Variants in UBE2E3 observed in about 807,000 individuals in gnomAD.
UBE2E3 encodes the protein ubiquitin conjugating enzyme E2 E3, also known as ubiquitin-conjugating enzyme E2 E3.
UBE2E3 carries 5 observed loss-of-function variants against 23.6 expected under a neutral mutation model. The ratio of observed to expected loss-of-function variants is 0.21; its 90% CI spans 0.11 to 0.44. The LOEUF is 0.44. Among genes scored for constraint, UBE2E3 ranks in the 20% least tolerant of loss-of-function variants. The pLI is 0.99. For synonymous variants in UBE2E3, 78 were observed against 87.5 expected (o/e 0.89, Z 0.60); for missense variants, 81 against 249.8 (o/e 0.32, Z 4.55).
intron 3 of UBE2E3, among the ~76,000 whole-genome samples, chr2:181,005,430 C>CTCT (rs1685121893): frequency 1.3e-5 from 2 of 152,268 alleles, no homozygotes; most frequent in African/African-American, 4.8e-5. Context: ...ATAGGAATGG[C>CTCT]ATTAATTCCA....
intron 3 of UBE2E3, 28 bp from the exon 4 acceptor site, chr2:181,057,665 A>C: frequency 6.3e-7 from 1 of 1,580,868 alleles, no homozygotes; most frequent in South Asian, 1.1e-5. Context: ...ATATATGTAC[A>C]TACTGATTTT....
intron 3 of UBE2E3, among the ~76,000 whole-genome samples, chr2:181,021,801 G>GT (rs947854724): frequency 5.3e-5 from 8 of 151,622 alleles, no homozygotes; most frequent in Admixed American, 4.6e-4. Context: ...CTTTCTATTT[G>GT]TTTTTATTTT....
chr2:181,003,465 A>T (rs200827066), intron 3 of UBE2E3, among the ~76,000 whole-genome samples: 1 of 90,242 alleles, frequency 1.1e-5, no homozygotes, highest in African/African-American at 3.4e-5. Flanking sequence ...AAGAACTTCC[A>T]GGGGGGATGA....
chr2:181,060,656 T>G lies in UBE2E3; in HGVS notation c.379-9T>G. On this transcript the variant is annotated splice_polypyrimidine_tract_variant and intron_variant, in intron 4 of 5. Transcript: ENST00000410062. Reference sequence around the variant, plus strand: ...ATTTTCCTTCTGTTTTTAATGTGACTGTGCTTAGGTTACTTTCCGCACCAG... The same window carrying G: ...ATTTTCCTTCTGTTTTTAATGTGACGGTGCTTAGGTTACTTTCCGCACCAG... The G allele has an allele frequency of 6.3e-7, 1 of 1,586,244 alleles. No homozygotes were observed.
intron 3 of UBE2E3, among the ~76,000 whole-genome samples, chr2:181,033,887 A>C (rs1344349918): frequency 1.3e-5 from 2 of 152,254 alleles, no homozygotes; most frequent in African/African-American, 4.8e-5. Flanking sequence ...GACACTTCTC[A>C]AAAGAAGACA....
chr2:181,039,640 C>T (rs1686417887), intron 3 of UBE2E3, among the ~76,000 whole-genome samples: 1 of 143,100 alleles, frequency 7.0e-6, no homozygotes, highest in African/African-American at 2.4e-5. Flanking sequence ...CTAATTTTGG[C>T]TATGATAAAA....
At chr2:181,022,732 C>A (rs1470367806) in intron 3 of UBE2E3, among the ~76,000 whole-genome samples, 4 of 149,238 alleles carry the variant, frequency 2.7e-5, no homozygotes, top group African/African-American at 7.4e-5. Context: ...CAAAAAAAAA[C>A]AAAAAACAAA....
At chr2:181,039,419 G>A (rs1014902519) in intron 3 of UBE2E3, among the ~76,000 whole-genome samples, 1 of 151,982 alleles carries the variant, frequency 6.6e-6, no homozygotes, top group African/African-American at 2.4e-5. Flanking sequence ...CTCCTGGAGC[G>A]GCTGGGAGGG....
chr2:181,055,428 A>T (rs966064803), intron 3 of UBE2E3, among the ~76,000 whole-genome samples: 8 of 151,632 alleles, frequency 5.3e-5, no homozygotes, highest in African/African-American at 1.5e-4. Context: ...GCAACTGCTC[A>T]TGTCCCTTCC....
chr2:181,057,571 A>T, intron 3 of UBE2E3, 122 bp from the exon 4 acceptor site: 1 of 764,852 alleles, frequency 1.3e-6, no homozygotes, highest in Non-Finnish European at 2.1e-6. Flanking sequence ...TATTTCTTTT[A>T]TACTTATTTT....
chr2:181,018,756 CATAGT>C (rs1315240592), intron 3 of UBE2E3, among the ~76,000 whole-genome samples: 7 of 152,096 alleles, frequency 4.6e-5, no homozygotes, highest in African/African-American at 1.4e-4. Context: ...AACAAATGAC[CATAGT>C]ATAATAATAA....
chr2:181,004,902 A>G (rs1186324748), intron 3 of UBE2E3, among the ~76,000 whole-genome samples: 2 of 152,228 alleles, frequency 1.3e-5, no homozygotes, highest in Admixed American at 6.5e-5. Flanking sequence ...TCAGACAGAC[A>G]ATGTCTTACG....
At chr2:181,054,567 T>A (rs1686934976) in intron 3 of UBE2E3, among the ~76,000 whole-genome samples, 1 of 151,906 alleles carries the variant, frequency 6.6e-6, no homozygotes, top group Non-Finnish European at 1.5e-5. Context: ...ATTTCACCCA[T>A]TTTATAATCA....
chr2:181,024,171 T>A (rs1049291755), intron 3 of UBE2E3, among the ~76,000 whole-genome samples: 3 of 152,110 alleles, frequency 2.0e-5, no homozygotes, highest in Non-Finnish European at 2.9e-5. Flanking sequence ...CCCCAAAGGA[T>A]TTTTTAGAAA....
At chr2:180,999,694 C>T (rs1684936884) in intron 3 of UBE2E3, among the ~76,000 whole-genome samples, 1 of 151,708 alleles carries the variant, frequency 6.6e-6, no homozygotes, top group African/African-American at 2.4e-5. Flanking sequence ...ACATCAAGGA[C>T]ATCCACATGA....
intron 3 of UBE2E3, among the ~76,000 whole-genome samples, chr2:181,005,565 A>G (rs1449124366): frequency 1.3e-5 from 2 of 152,052 alleles, no homozygotes; most frequent in Non-Finnish European, 2.9e-5. Context: ...GGCATTATCT[A>G]TTTCTCCATA....
intron 3 of UBE2E3, among the ~76,000 whole-genome samples, chr2:181,031,134 A>T (rs906651094): frequency 7.9e-5 from 12 of 152,182 alleles, no homozygotes; most frequent in African/African-American, 2.2e-4. Context: ...CTATTTTTTT[A>T]AAAAATTTGT....
chr2:181,034,710 CA>C (rs1338059607), intron 3 of UBE2E3, among the ~76,000 whole-genome samples: 1 of 152,012 alleles, frequency 6.6e-6, no homozygotes, highest in Non-Finnish European at 1.5e-5. Flanking sequence ...CTGGAACTAG[CA>C]TGTCAGAATA....
intron 3 of UBE2E3, among the ~76,000 whole-genome samples, chr2:180,998,887 A>T (rs1416395467): frequency 6.6e-6 from 1 of 152,202 alleles, no homozygotes; most frequent in African/African-American, 2.4e-5. Context: ...ATAATTAACT[A>T]GGTTGTTTGT....
Sources: allele counts gnomAD v4.1 joint callset (sites outside exome capture counted in the v4.1 genomes callset), GRCh38; gene constraint gnomAD v4.1.1; transcripts MANE v1.5; gene names NCBI Gene and HGNC (gene_info 2026-07-23, HGNC 2026-07-21).